DNAH11: variants seen among roughly 807,000 people sequenced by gnomAD.
DNAH11 encodes axonemal beta dynein heavy chain 11.
DNAH11 carries 442 observed loss-of-function variants against 526.0 expected under a neutral mutation model. That is an observed-to-expected ratio of 0.84 (90% confidence interval 0.78 to 0.91). The LOEUF (loss-of-function observed/expected upper bound fraction) is 0.91, where lower values mean the gene tolerates loss of function less well. Ranked by LOEUF, DNAH11 falls within the 40% of genes least tolerant of loss-of-function variation. DNAH11 has a pLI of 0.00. For synonymous variants in DNAH11, 2,461 were observed against 1,935.9 expected, an observed-to-expected ratio of 1.27 and a Z score of -7.12; for missense variants, 6,989 against 5,448.7, an observed-to-expected ratio of 1.28 and a Z score of -8.90.
intron 25 of DNAH11, among the ~76,000 whole-genome samples, chr7:21,624,996 TCTTTA>T (rs1276935329): frequency 6.6e-6 from 1 of 152,146 alleles, no homozygotes; most frequent in African/African-American, 2.4e-5. Context: ...CTTCTAATTT[TCTTTA>T]CTTGTGGTGT....
At chr7:21,900,898 A>ATATGAC in intron 81 of DNAH11, 109 bp from the exon 82 acceptor site, 4 of 1,475,680 alleles carry the variant, frequency 2.7e-6, no homozygotes, top group Non-Finnish European at 3.6e-6. Flanking sequence ...ACAAGCAAAA[A>ATATGAC]TATGACAAAA....
intron 42 of DNAH11, among the ~76,000 whole-genome samples, chr7:21,712,386 G>T (rs1343085876): frequency 6.6e-6 from 1 of 152,010 alleles, no homozygotes; most frequent in East Asian, 1.9e-4. Context: ...CATTCTTTCG[G>T]GTAGAACTCA....
intron 49 of DNAH11, among the ~76,000 whole-genome samples, chr7:21,743,736 A>G (rs1314744511): frequency 6.6e-6 from 1 of 152,206 alleles, no homozygotes; most frequent in Non-Finnish European, 1.5e-5. Context: ...AGGAAAGGGA[A>G]GAGAGGTCAT....
chr7:21,748,444 G>A lies in DNAH11; in HGVS notation c.8511-136G>A, dbSNP rs549317602. The A allele has an allele frequency of 3.0e-5, 29 of 969,778 alleles. No individual in the cohort carries two copies. In the East Asian group the frequency reaches 4.6e-4, roughly 15 times the overall value. The allele number at this position is 969,778 out of a possible 1,614,324, so 60.1% of individuals were successfully genotyped here. A position where few individuals can be genotyped will look rare whatever the true frequency, so the allele number is the denominator to read the frequency against. ...GCGGAGGCTGCAATGAGCCAAGATC[G>A]CGCCACTGCACTCCGGCCTGGGCAA... On this transcript the variant is annotated intron_variant, in intron 51 of 81. Coordinates refer to ENST00000409508, the MANE Select transcript of DNAH11 (RefSeq NM_001277115.2).
At chr7:21,710,820 A>T in intron 41 of DNAH11, 117 bp downstream of exon 41, 1 of 1,029,298 alleles carries the variant, frequency 9.7e-7, no homozygotes. Flanking sequence ...TCTTTATGTA[A>T]TTATTATTTT....
chr7:21,858,250 G>A (rs115321097), intron 68 of DNAH11, among the ~76,000 whole-genome samples: 2 of 152,248 alleles, frequency 1.3e-5, no homozygotes, highest in African/African-American at 2.4e-5. Flanking sequence ...CACAGATATG[G>A]TACTACAGCT....
In DNAH11 at chr7:21,559,704, G is replaced by C. The variant is rs192989152; in HGVS notation, c.794G>C (p.Arg265Pro). 1 of 1,610,728 alleles carries C rather than the reference G, an allele frequency of 6.2e-7. No individual in the cohort carries two copies. The highest frequency in any genetic ancestry group is 1.7e-5 in the Admixed American group (1 of 59,636). Reference sequence around the variant, plus strand: ...ATTATAGAAAGAGATTCAGTGCAGCGTTTGTTGAATGGTCTTCACTTGTCT... The same window carrying C: ...ATTATAGAAAGAGATTCAGTGCAGCCTTTGTTGAATGGTCTTCACTTGTCT... Reference protein sequence around the residue: ...QEIIERDSVQRLLNGLHLSPQ... With the variant: ...QEIIERDSVQPLLNGLHLSPQ... Residue 265 changes from arginine to proline, a missense_variant, in exon 4 of 82, where the codon CGT becomes CCT. Coordinates refer to ENST00000409508, the MANE Select transcript of DNAH11 (RefSeq NM_001277115.2).
At chr7:21,866,410 C>A in intron 70 of DNAH11, 60 bp from the exon 71 acceptor site, 1 of 1,485,304 alleles carries the variant, frequency 6.7e-7, no homozygotes, top group Non-Finnish European at 9.1e-7. Flanking sequence ...CACAAGTCTT[C>A]TTCTCAAACT....
intron 25 of DNAH11, among the ~76,000 whole-genome samples, chr7:21,623,518 A>G (rs568448648): frequency 1.3e-3 from 196 of 152,320 alleles, no homozygotes; most frequent in African/African-American, 4.6e-3. Flanking sequence ...ATGCACACGT[A>G]TGTTTATTGT....
chr7:21,678,647 C>T (rs1783007264), intron 30 of DNAH11, among the ~76,000 whole-genome samples: 2 of 151,880 alleles, frequency 1.3e-5, no homozygotes, highest in Non-Finnish European at 2.9e-5. Context: ...GAACTCTGGG[C>T]AGTACAGAGA....
At chr7:21,733,459 G>A (rs963511192) in intron 45 of DNAH11, among the ~76,000 whole-genome samples, 4 of 151,930 alleles carry the variant, frequency 2.6e-5, no homozygotes, top group Non-Finnish European at 5.9e-5. Context: ...TTATGTATTT[G>A]GAAATCTTGC....
At chr7:21,627,115 G>A (rs1044585212) in intron 25 of DNAH11, among the ~76,000 whole-genome samples, 6 of 152,036 alleles carry the variant, frequency 3.9e-5, no homozygotes, top group Non-Finnish European at 7.4e-5. Flanking sequence ...TTGGGGTTTT[G>A]TTTTGTTTTT....
chr7:21,779,756 C>A (rs1186204473), intron 57 of DNAH11, among the ~76,000 whole-genome samples: 2 of 152,032 alleles, frequency 1.3e-5, no homozygotes, highest in African/African-American at 4.8e-5. Flanking sequence ...TTTTGTACAT[C>A]TGATATCTCA....
chr7:21,788,908 C>A (rs1012383491), intron 60 of DNAH11, among the ~76,000 whole-genome samples: 1 of 152,082 alleles, frequency 6.6e-6, no homozygotes, highest in Non-Finnish European at 1.5e-5. Flanking sequence ...ACTCTAAGGT[C>A]CAGATTAAAT....
chr7:21,555,855 G>A (rs12532465), intron 2 of DNAH11, among the ~76,000 whole-genome samples: 72,540 of 151,874 alleles, frequency 0.48, 17,681 homozygotes, highest in East Asian at 0.63. Flanking sequence ...GTCCTTCTCT[G>A]CACAGGCACA....
In DNAH11 at chr7:21,606,464, A is replaced by G. The variant is rs1785286466; in HGVS notation, c.3687A>G (p.Ala1229=). 1.9e-6 allele frequency: 3 copies of G among 1,607,352 alleles called. No individual in the cohort carries two copies. The highest frequency in any genetic ancestry group is 2.5e-6 in the Non-Finnish European group (3 of 1,178,366). ...PERWETTKKI[A]ATVRHEVSPL... is the part of the protein sequence containing the mutation. ...GATGGGAAACTACCAAAAAGATCGC[A>G]GCAACTGTCAGACATGAAGTCTCAC... Residue 1229 remains alanine, a synonymous_variant, in exon 19 of 82, where the codon GCA becomes GCG. Coordinates refer to ENST00000409508, the MANE Select transcript of DNAH11 (RefSeq NM_001277115.2).
At chr7:21,837,339 C>G (rs754079543) in intron 65 of DNAH11, among the ~76,000 whole-genome samples, 13 of 152,078 alleles carry the variant, frequency 8.5e-5, no homozygotes, top group Non-Finnish European at 1.9e-4. Flanking sequence ...AACCTATCAA[C>G]AGTTGAATGC....
chr7:21,894,223 A>C (rs1784427605), intron 77 of DNAH11, among the ~76,000 whole-genome samples: 2 of 152,230 alleles, frequency 1.3e-5, no homozygotes, highest in South Asian at 2.1e-4. Context: ...GATCTTTTTA[A>C]TTTAGCAGAT....
At chr7:21,827,163 C>T (rs1332292302) in intron 65 of DNAH11, among the ~76,000 whole-genome samples, 1 of 152,176 alleles carries the variant, frequency 6.6e-6, no homozygotes, top group African/African-American at 2.4e-5. Flanking sequence ...ACAGTAGATA[C>T]CACTGTCATA....
Sources: allele counts gnomAD v4.1 joint callset (sites outside exome capture counted in the v4.1 genomes callset), GRCh38; gene constraint gnomAD v4.1.1; transcripts MANE v1.5; gene names NCBI Gene and HGNC (gene_info 2026-07-23, HGNC 2026-07-21).